FYB1: variants seen among roughly 807,000 people sequenced by gnomAD.
FYB1 encodes the protein FYN binding protein 1, also known as FYN-binding protein 1.
In FYB1, 41 loss-of-function variants were observed where a neutral mutation model predicts 94.1. The observed-to-expected ratio is 0.44, with a 90% CI of 0.34 to 0.57. The LOEUF is 0.57. Among genes scored for constraint, FYB1 ranks in the 20% least tolerant of loss-of-function variants. The pLI is 0.02. For missense variants in FYB1, 1,050 were observed against 976.8 expected (o/e 1.07, Z -1.00); for synonymous variants, 367 against 353.2 (o/e 1.04, Z -0.44).
chr5:39,150,939 G>A (rs1247324037), intron 3 of FYB1, among the ~76,000 whole-genome samples: 1 of 152,142 alleles, frequency 6.6e-6, no homozygotes, highest in Non-Finnish European at 1.5e-5. Context: ...AGCTCTTTGA[G>A]TGGTTCCCAT....
intron 3 of FYB1, among the ~76,000 whole-genome samples, chr5:39,144,332 C>T (rs1742449805): frequency 6.6e-6 from 1 of 152,156 alleles, no homozygotes; most frequent in African/African-American, 2.4e-5. Context: ...ACCTCTACCT[C>T]TCACTCTCAA....
At chr5:39,231,800 A>G (rs988109907) in intron 1 of FYB1, among the ~76,000 whole-genome samples, 5 of 151,860 alleles carry the variant, frequency 3.3e-5, no homozygotes, top group African/African-American at 1.2e-4. Context: ...AAGTTCCCAC[A>G]GAATCAGCAA....
intron 11 of FYB1, among the ~76,000 whole-genome samples, chr5:39,127,016 C>A (rs1740730266): frequency 7.0e-6 from 1 of 142,398 alleles, no homozygotes; most frequent in African/African-American, 2.6e-5. Context: ...CGAGATCGTG[C>A]CATTGCACTC....
chr5:39,164,157 C>A (rs1031271117), intron 2 of FYB1, among the ~76,000 whole-genome samples: 1 of 142,452 alleles, frequency 7.0e-6, no homozygotes, highest in Non-Finnish European at 1.5e-5. Context: ...GCATGTGCTC[C>A]AAATTCAGCT....
intron 1 of FYB1, among the ~76,000 whole-genome samples, chr5:39,213,514 G>A (rs1388326547): frequency 6.6e-6 from 1 of 152,310 alleles, no homozygotes; most frequent in Non-Finnish European, 1.5e-5. Flanking sequence ...GATCTGAGAT[G>A]AGCAAGGAAA....
intron 1 of FYB1, among the ~76,000 whole-genome samples, chr5:39,238,816 C>A (rs1460151415): frequency 6.6e-6 from 1 of 152,054 alleles, no homozygotes; most frequent in Non-Finnish European, 1.5e-5. Context: ...TTGTTTACTT[C>A]TTTCCTCCAA....
chr5:39,117,284 T>G (rs1739663455), intron 16 of FYB1, among the ~76,000 whole-genome samples: 1 of 152,282 alleles, frequency 6.6e-6, no homozygotes, highest in Admixed American at 6.5e-5. Flanking sequence ...TCATGAGAGA[T>G]TCATCATATT....
At chr5:39,136,774 G>T (rs914850669) in intron 7 of FYB1, among the ~76,000 whole-genome samples, 1 of 152,150 alleles carries the variant, frequency 6.6e-6, no homozygotes, top group Non-Finnish European at 1.5e-5. Context: ...ATACCGGGAA[G>T]TTATATATAA....
chr5:39,128,045 T>C (rs1413621046), intron 10 of FYB1, among the ~76,000 whole-genome samples: 1 of 151,978 alleles, frequency 6.6e-6, no homozygotes, highest in East Asian at 1.9e-4. Flanking sequence ...GGAATGAGGG[T>C]GCAAAAACAT....
At position 39,119,528 on chromosome 5, in the gene FYB1, G is replaced by T; in HGVS notation, c.2238+7C>A. The T allele has an allele frequency of 6.6e-7, 1 of 1,516,300 alleles. No individual in the cohort carries two copies. The highest frequency in any genetic ancestry group is 1.3e-5 in the South Asian group (1 of 79,632). 93.9% of individuals were successfully genotyped at this position (1,516,300 alleles called of 1,614,324 possible). A position where few individuals can be genotyped will look rare whatever the true frequency, so the allele number is the denominator to read the frequency against. On this transcript the variant is annotated splice_region_variant and intron_variant, in intron 15 of 18. Coordinates refer to ENST00000512982, the MANE Select transcript of FYB1 (RefSeq NM_001465.6). ...TGTACTTTGTATAATATTTAGATATGACATACTTTAAATTTTTTCCTGAAG... is the reference window on the plus strand; with the variant it reads ...TGTACTTTGTATAATATTTAGATATTACATACTTTAAATTTTTTCCTGAAG...
At position 39,134,313 on chromosome 5, in the gene FYB1, T is replaced by C. The variant is rs996784124; in HGVS notation, c.1712A>G (p.Tyr571Cys). ...GTCTTTTTTCAGTTTCAAAGAATCA[T>C]AGTCAATCTCTACAGCAGTTGTTTT... is the stretch of plus-strand genomic sequence containing the variant. ...YIKTTAVEID[Y>C]DSLKLKKDSL... The change falls in exon 9 of 19, where the codon TAT (tyrosine) becomes TGT (cysteine). Residue 571 changes from tyrosine to cysteine, a missense_variant. By Grantham distance (194) the Tyr-to-Cys change is radical. Coordinates refer to ENST00000512982, the MANE Select transcript of FYB1 (RefSeq NM_001465.6). 4 of 1,611,736 alleles carry C rather than the reference T, an allele frequency of 2.5e-6. No homozygotes were observed. Among genetic ancestry groups the C allele is most frequent in the East Asian group, 2.2e-5 (1 of 44,806 alleles).
chr5:39,144,257 TG>T (rs998992075), intron 3 of FYB1, among the ~76,000 whole-genome samples: 20 of 152,170 alleles, frequency 1.3e-4, no homozygotes, highest in African/African-American at 4.3e-4. Context: ...GAGAGTCAAG[TG>T]AACATTATTA....
At chr5:39,173,296 A>AT (rs1442088260) in intron 2 of FYB1, among the ~76,000 whole-genome samples, 4 of 151,720 alleles carry the variant, frequency 2.6e-5, no homozygotes, top group African/African-American at 9.7e-5. Flanking sequence ...TTTTAATTAG[A>AT]TTTTTTGCTT....
intron 1 of FYB1, among the ~76,000 whole-genome samples, chr5:39,216,792 T>C (rs762066564): frequency 1.3e-5 from 2 of 152,198 alleles, no homozygotes. Flanking sequence ...ACAGGCAGCA[T>C]GTGAATTTGG....
intron 2 of FYB1, among the ~76,000 whole-genome samples, chr5:39,154,035 C>T (rs1561184677): frequency 6.6e-6 from 1 of 152,160 alleles, no homozygotes; most frequent in South Asian, 2.1e-4. Flanking sequence ...ATCCTCCTGC[C>T]GTGACCTCCC....
At chr5:39,107,679 T>A (rs1465303273) in intron 18 of FYB1, among the ~76,000 whole-genome samples, 1 of 151,976 alleles carries the variant, frequency 6.6e-6, no homozygotes, top group Non-Finnish European at 1.5e-5. Flanking sequence ...ACAGATTTAT[T>A]CTCTATTAAA....
At chr5:39,187,630 G>A (rs1471793076) in intron 2 of FYB1, among the ~76,000 whole-genome samples, 1 of 152,198 alleles carries the variant, frequency 6.6e-6, no homozygotes, top group Non-Finnish European at 1.5e-5. Flanking sequence ...GTTTGGGCAG[G>A]TGGGAAGGGG....
Position 39,124,261 on chromosome 5 carries a change from T to C in FYB1, c.2063A>G (p.Lys688Arg). The C allele has an allele frequency of 1.3e-6, 2 of 1,559,414 alleles. No homozygotes were observed. The highest frequency in any genetic ancestry group is 1.4e-5 in the African/African-American group (1 of 72,074). The change falls in exon 13 of 19, where the codon AAA becomes AGA. Residue 688 changes from lysine (K) to arginine (R), a missense_variant. Physicochemically the swap from Lys to Arg is conservative, Grantham distance 26 (BLOSUM62 2). Coordinates refer to ENST00000512982, the MANE Select transcript of FYB1 (RefSeq NM_001465.6). ...CAGTTTTTATTACTTACCCAATTGT[T>C]TAGGAGGAGCAGGGAAACTACAAAG... is the stretch of plus-strand genomic sequence containing the variant. ...NEGSSFPAPPKQLDMGDEVYD... is the reference protein window; with the variant it reads ...NEGSSFPAPPRQLDMGDEVYD...
At chr5:39,213,931 T>G (rs947902714) in intron 1 of FYB1, among the ~76,000 whole-genome samples, 2 of 152,192 alleles carry the variant, frequency 1.3e-5, no homozygotes, top group African/African-American at 4.8e-5. Flanking sequence ...AGTTATAATT[T>G]GGGAAGTCCC....
Sources: allele counts gnomAD v4.1 joint callset (sites outside exome capture counted in the v4.1 genomes callset), GRCh38; gene constraint gnomAD v4.1.1; transcripts MANE v1.5; gene names NCBI Gene and HGNC (gene_info 2026-07-23, HGNC 2026-07-21).